The following ZZEF1 variants were observed in gnomAD, a reference collection of about 807,000 sequenced individuals.
The protein encoded by ZZEF1 is zinc finger ZZ-type and EF-hand domain-containing protein 1.
A neutral mutation model predicts 342.8 loss-of-function variants in ZZEF1; 157 were observed. The observed-to-expected ratio is 0.46, with a 90% CI of 0.40 to 0.52. ZZEF1 has a LOEUF of 0.52. Among genes scored for constraint, ZZEF1 ranks in the 20% least tolerant of loss-of-function variants. The pLI is 0.00. For missense variants in ZZEF1, 3,480 were observed against 3,725.6 expected (o/e 0.93, Z 1.72); for synonymous variants, 1,505 against 1,429.1 (o/e 1.05, Z -1.20).
intron 39 of ZZEF1, among the ~76,000 whole-genome samples, chr17:4,037,960 T>C (rs535255023): frequency 6.6e-6 from 1 of 152,284 alleles, no homozygotes; most frequent in South Asian, 2.1e-4. Context: ...GAGTAAGCAT[T>C]AGATGGCAGC....
intron 3 of ZZEF1, among the ~76,000 whole-genome samples, chr17:4,116,250 T>C (rs1483949136): frequency 1.3e-5 from 2 of 152,070 alleles, no homozygotes; most frequent in African/African-American, 4.8e-5. Flanking sequence ...ACCCAGGAGG[T>C]GGAGGCTGCA....
At chr17:4,060,804 T>C (rs1018927869) in intron 30 of ZZEF1, among the ~76,000 whole-genome samples, 3 of 152,224 alleles carry the variant, frequency 2.0e-5, no homozygotes, top group Non-Finnish European at 2.9e-5. Flanking sequence ...ACCAGCCAAC[T>C]TGTGGACACC....
intron 1 of ZZEF1, among the ~76,000 whole-genome samples, chr17:4,141,777 G>C (rs2058854961): frequency 6.6e-6 from 1 of 151,810 alleles, no homozygotes; most frequent in African/African-American, 2.4e-5. Flanking sequence ...TGATTCACTG[G>C]GTAACCCTGG....
At chr17:4,120,187 T>C (rs1306044338) in intron 2 of ZZEF1, among the ~76,000 whole-genome samples, 2 of 151,958 alleles carry the variant, frequency 1.3e-5, no homozygotes, top group African/African-American at 4.8e-5. Context: ...TGAAACCCCA[T>C]CTCCACTAAA....
At chr17:4,123,785 G>T in intron 2 of ZZEF1, 122 bp downstream of exon 2, 1 of 1,088,526 alleles carries the variant, frequency 9.2e-7, no homozygotes, top group Non-Finnish European at 1.3e-6. Flanking sequence ...AATTCAGATC[G>T]GGAGCCTAAT....
At chr17:4,137,940 T>C (rs2058779483) in intron 1 of ZZEF1, among the ~76,000 whole-genome samples, 2 of 152,152 alleles carry the variant, frequency 1.3e-5, no homozygotes, top group South Asian at 2.1e-4. Flanking sequence ...GCAAGGTCCA[T>C]ACACAGGACA....
At chr17:4,066,661 T>G (rs1183257060) in intron 27 of ZZEF1, 121 bp from the exon 28 acceptor site, 1 of 825,560 alleles carries the variant, frequency 1.2e-6, no homozygotes, top group Non-Finnish European at 2.0e-6. Context: ...GTTGTATCAT[T>G]TAGAGGGGTT....
At chr17:4,091,103 G>A (rs1597877976) in intron 11 of ZZEF1, among the ~76,000 whole-genome samples, 1 of 152,234 alleles carries the variant, frequency 6.6e-6, no homozygotes, top group African/African-American at 2.4e-5. Context: ...TGAAGAATGA[G>A]ACAGAAAGTC....
chr17:4,114,448 T>C lies in ZZEF1; in HGVS notation c.717A>G (p.Arg239=), dbSNP rs1273048265. ...KEKESPGDLT[R]SPEMDKLKSV... ...ACTTGAGTTTATCCATCTCTGGACTTCTAGTTAGATCTCCAGGGCTTTCTG... is the reference window on the plus strand; with the variant it reads ...ACTTGAGTTTATCCATCTCTGGACTCCTAGTTAGATCTCCAGGGCTTTCTG... Residue 239 remains arginine (R), a synonymous_variant, in exon 4 of 55, where the codon AGA becomes AGG. Transcript: ENST00000381638. 6.3e-7 allele frequency: 1 copy of C among 1,580,586 alleles called. No individual in the cohort carries two copies. Among genetic ancestry groups the C allele is most frequent in the Admixed American group, 1.8e-5 (1 of 55,070 alleles).
At chr17:4,079,360 C>T (rs1343228552) in intron 18 of ZZEF1, among the ~76,000 whole-genome samples, 2 of 152,082 alleles carry the variant, frequency 1.3e-5, no homozygotes, top group Admixed American at 6.6e-5. Context: ...CTTCAGGGAT[C>T]TGAGAAACAG....
Position 4,117,068 on chromosome 17 carries a change from T to A in ZZEF1, c.598A>T (p.Met200Leu). ...LHRNRLSSAV[M>L]PYPMLEHCNN... ...CAGTGCTCCAGCATCGGGTAGGGCA[T>A]CACCGCGCTGGAGAGCCGATTGCGG... Residue 200 changes from methionine (M) to leucine (L), a missense_variant, in exon 3 of 55, where the codon ATG becomes TTG. By Grantham distance (15) the Met-to-Leu change is conservative. Around this residue, in one of 5 missense-constraint regions of ZZEF1, gnomAD observed 416 missense variants for 374.2 expected, o/e 1.11. Transcript: ENST00000381638. The A allele has an allele frequency of 6.2e-7, 1 of 1,614,154 alleles. No homozygotes were observed.
intron 18 of ZZEF1, among the ~76,000 whole-genome samples, chr17:4,078,565 C>G (rs2057666162): frequency 6.6e-6 from 1 of 152,130 alleles, no homozygotes; most frequent in Non-Finnish European, 1.5e-5. Flanking sequence ...GAAAGAAGAA[C>G]AAGGAAATGG....
chr17:4,050,985 G>T lies in ZZEF1; in HGVS notation c.5659C>A (p.Arg1887=). 6.2e-7 allele frequency: 1 copy of T among 1,614,178 alleles called. No individual in the cohort carries two copies. ...ATATATGGCTGGATGAGCCTCTGCC[G>T]GTCACTGATCCGAATGGTTACCATT... ...HPMVTIRISD[R]QRLIQPYIHN... The change falls in exon 36 of 55, where the codon CGG becomes AGG. Residue 1887 remains arginine, a synonymous_variant. Coordinates refer to ENST00000381638, the MANE Select transcript of ZZEF1 (RefSeq NM_015113.4).
chr17:4,116,963 C>A lies in ZZEF1; in HGVS notation c.694+9G>T. ...GAGTATTTTCAGGAGAACCCCCACA[C>A]ACACATACCCTTTTCCTTTTGTACC... On this transcript the variant is annotated intron_variant, in intron 3 of 54. Transcript: ENST00000381638. 1 of 1,579,988 alleles carries A rather than the reference C, an allele frequency of 6.3e-7. No individual in the cohort carries two copies. Among genetic ancestry groups the A allele is most frequent in the East Asian group, 2.3e-5 (1 of 43,614 alleles).
chr17:4,142,844 CA>C lies in ZZEF1; in HGVS notation c.51del (p.Gly18AlafsTer135), dbSNP rs1316156997. The C allele has an allele frequency of 7.2e-7, 1 of 1,396,154 alleles. No homozygotes were observed. The highest frequency in any genetic ancestry group is 9.2e-7 in the Non-Finnish European group (1 of 1,084,278). 86.5% of individuals were successfully genotyped at this position (1,396,154 alleles called of 1,614,324 possible). ...TCCTGGTGTGGGCCCCAGCCCTCGC[CA>C]CCGGCAGCTGCCGCTTCGTCTTCAC... ...HSSEDEAAAA[G>X]GEGWGPHQDW... On this transcript the variant is annotated frameshift_variant, in exon 1 of 55. Transcript: ENST00000381638. LOFTEE classifies it high-confidence loss of function.
intron 25 of ZZEF1, among the ~76,000 whole-genome samples, chr17:4,072,402 AT>A (rs1317696085): frequency 2.1e-4 from 32 of 152,242 alleles, no homozygotes; most frequent in African/African-American, 7.7e-4. Flanking sequence ...CAAGTCACGC[AT>A]TCAGTATTTC....
At chr17:4,043,962 CCT>C (rs1383088284) in intron 38 of ZZEF1, among the ~76,000 whole-genome samples, 3 of 152,188 alleles carry the variant, frequency 2.0e-5, no homozygotes, top group Non-Finnish European at 2.9e-5. Context: ...TGATTCAGTC[CCT>C]GTTTCATCCC....
Position 4,032,666 on chromosome 17 carries a change from A to C in ZZEF1, c.6759+162T>G, listed in dbSNP as rs570598264. On this transcript the variant is annotated intron_variant, in intron 41 of 54. Coordinates refer to ENST00000381638, the MANE Select transcript of ZZEF1 (RefSeq NM_015113.4). Reference sequence around the variant, plus strand: ...ATGCAAGTTGAATAAACCATCCCATAATCTTGACAATACTTCAATACTACA... The same window carrying C: ...ATGCAAGTTGAATAAACCATCCCATCATCTTGACAATACTTCAATACTACA... Among the ~76,000 whole-genome samples the C allele has an allele frequency of 2.4e-4, 37 of 152,368 alleles. No homozygotes were observed. In the South Asian group the frequency reaches 6.8e-3, roughly 28 times the overall value.
At chr17:4,025,651 C>T (rs559121782) in intron 42 of ZZEF1, among the ~76,000 whole-genome samples, 1 of 150,486 alleles carries the variant, frequency 6.6e-6, no homozygotes, top group Non-Finnish European at 1.5e-5. Context: ...CATTGCATTC[C>T]AGCCTGGGTG....
Sources: gnomAD v4.1 joint callset for allele counts (sites outside exome capture counted in the v4.1 genomes callset) on GRCh38, gnomAD v4.1.1 for gene constraint, gnomAD v4.1.1 regional missense constraint, MANE v1.5 for transcripts, NCBI Gene and HGNC (gene_info 2026-07-23, HGNC 2026-07-21) for gene names.